SYNE2: variants seen among roughly 807,000 people sequenced by gnomAD.
The protein encoded by SYNE2 is nesprin-2.
SYNE2 carries 431 observed loss-of-function variants against 856.3 expected under a neutral mutation model. The ratio of observed to expected loss-of-function variants is 0.50; its 90% CI spans 0.47 to 0.55. The LOEUF is 0.55. SYNE2 is among the 20% of genes least tolerant of loss of function. SYNE2 has a pLI of 0.00. For synonymous variants in SYNE2, 2,923 were observed against 2,872.3 expected, an observed-to-expected ratio of 1.02 and a Z score of -0.56; for missense variants, 8,129 against 8,023.2, an observed-to-expected ratio of 1.01 and a Z score of -0.50.
At chr14:64,022,081 T>C (rs569652036) in intron 37 of SYNE2, 53 bp downstream of exon 37, 3 of 1,546,100 alleles carry the variant, frequency 1.9e-6, no homozygotes, top group Non-Finnish European at 8.9e-7. Context: ...AGTATGAATG[T>C]AGTACTGTGA....
At chr14:63,945,531 A>G (rs1035311256) in intron 6 of SYNE2, among the ~76,000 whole-genome samples, 3 of 152,160 alleles carry the variant, frequency 2.0e-5, no homozygotes, top group African/African-American at 7.2e-5. Flanking sequence ...TGAATATCCA[A>G]TTGTATGAAT....
Position 64,126,642 on chromosome 14 carries a change from CAAG to C in SYNE2, c.13756_13758del (p.Lys4586del), listed in dbSNP as rs2097949131. ...AGAAACTTTATTTAGCGCTAAGTGACAAGAAGGGTGATCTTTTGAAAGCCATGA... is the reference window on the plus strand; with the variant it reads ...AGAAACTTTATTTAGCGCTAAGTGACAAGGGTGATCTTTTGAAAGCCATGA... On this transcript the variant is annotated inframe_deletion, in exon 73 of 116. Coordinates refer to ENST00000555002, the MANE Select transcript of SYNE2 (RefSeq NM_182914.3). The C allele has an allele frequency of 6.2e-7, 1 of 1,614,080 alleles. No individual in the cohort carries two copies. Among genetic ancestry groups the C allele is most frequent in the Non-Finnish European group, 8.5e-7 (1 of 1,180,042 alleles).
At chr14:63,944,824 CTTTTT>C (rs55906748) in intron 6 of SYNE2, among the ~76,000 whole-genome samples, 7 of 46,948 alleles carry the variant, frequency 1.5e-4, no homozygotes, top group African/African-American at 2.0e-4. Flanking sequence ...GGGCTTAAAG[CTTTTT>C]TTTTTTTTTT....
rs1171104740 is a variant in SYNE2 at position 64,159,378 on chromosome 14, C to T, written c.16030C>T (p.Leu5344Phe). ...WEKLQEVIGKLKGLCPSVAEI... is the reference protein window; with the variant it reads ...WEKLQEVIGKFKGLCPSVAEI... The stretch of plus-strand genomic sequence containing the variant: ...GAAACTCCAGGAGGTTATCGGCAAA[C>T]TCAAAGGTCTCTGCCCCTCTGTTGC... Residue 5344 changes from leucine to phenylalanine, a missense_variant, in exon 87 of 116, where the codon CTC (leucine) becomes TTC (phenylalanine). This residue lies in a region of SYNE2 where 5,410 missense variants were observed against 5,284.8 expected (regional missense o/e 1.02). Coordinates refer to ENST00000555002, the MANE Select transcript of SYNE2 (RefSeq NM_182914.3). 2 of 1,613,868 alleles carry T rather than the reference C, an allele frequency of 1.2e-6. No individual in the cohort carries two copies. The highest frequency in any genetic ancestry group is 1.7e-6 in the Non-Finnish European group (2 of 1,179,910).
rs776787883 is a variant in SYNE2, at chr14:64,225,585, G to A, written c.*59G>A. 218 of 1,562,678 alleles carry A rather than the reference G, an allele frequency of 1.4e-4. No homozygotes were observed. The Middle Eastern group carries it at 3.7e-3, about 26-fold the overall frequency. ...CCTGATTGCCAAGGGTGCCCAGCAC[G>A]TGGCCCCAGACCAATCTGAGTGACT... On this transcript the variant is annotated 3_prime_UTR_variant, in exon 116 of 116. Transcript: ENST00000555002.
chr14:63,926,854 A>C (rs997077055), intron 2 of SYNE2, among the ~76,000 whole-genome samples: 1 of 152,230 alleles, frequency 6.6e-6, no homozygotes, highest in Non-Finnish European at 1.5e-5. Flanking sequence ...CCATGACTCT[A>C]TGAAAGCAAA....
chr14:64,214,964 T>C (rs117421355), intron 106 of SYNE2, among the ~76,000 whole-genome samples: 1,597 of 152,284 alleles, frequency 0.01, 15 homozygotes, highest in South Asian at 0.023. Flanking sequence ...GGTCTTGAAC[T>C]CCTGGGCTCA....
At chr14:64,006,139 A>C (rs2096794132) in intron 30 of SYNE2, among the ~76,000 whole-genome samples, 1 of 152,212 alleles carries the variant, frequency 6.6e-6, no homozygotes, top group African/African-American at 2.4e-5. Flanking sequence ...ATTGAAGAGA[A>C]AATTGGAGGC....
In SYNE2 at chr14:63,830,282, G is replaced by A. The variant is rs558930450; in HGVS notation, c.-304-22219G>A. Among the ~76,000 whole-genome samples the A allele has an allele frequency of 6.6e-5, 10 of 150,472 alleles. 1 individual carries two copies. Among genetic ancestry groups the A allele is most frequent in the South Asian group, 6.3e-4 (3 of 4,786 alleles). On this transcript the variant is annotated intron_variant, in intron 1 of 23. Transcript: ENST00000674003. The stretch of plus-strand genomic sequence containing the variant: ...GTGTGAGGTTTTTTTTTTTTTTGAG[G>A]GTAACAAAATATTCTAAAATGGGTT...
chr14:64,132,367 C>G lies in SYNE2; in HGVS notation c.14443C>G (p.Gln4815Glu). ...AAACAGAGAGACATTTTGGGCAGAA[C>G]AAGTAACAGAAGTTAAAATACTAGA... is the stretch of plus-strand genomic sequence containing the variant. ...LQNRETFWAE[Q>E]VTEVKILEEK... is the part of the protein sequence containing the mutation. The change falls in exon 77 of 116, where the codon CAA becomes GAA. Residue 4815 changes from glutamine (Q) to glutamate (E), a missense_variant. By Grantham distance (29) the Gln-to-Glu change is conservative. Coordinates refer to ENST00000555002, the MANE Select transcript of SYNE2 (RefSeq NM_182914.3). The G allele has an allele frequency of 1.2e-6, 2 of 1,614,062 alleles. No individual in the cohort carries two copies. The highest frequency in any genetic ancestry group is 2.2e-5 in the East Asian group (1 of 44,886).
rs199500656 is a variant in SYNE2, at chr14:63,880,851, T to A, written c.-52+27708T>A. On this transcript the variant is annotated intron_variant, in intron 1 of 115. Transcript: ENST00000555002. Reference sequence around the variant, plus strand: ...CTGTGACTGGCTAATTTAAAAAAAATTTTTTTTTTTTTTGAGACGGAGTCT... The same window carrying A: ...CTGTGACTGGCTAATTTAAAAAAAAATTTTTTTTTTTTTGAGACGGAGTCT... Among the ~76,000 whole-genome samples, 682 of 145,132 alleles carry A rather than the reference T, an allele frequency of 4.7e-3. 3 individuals carry two copies. Among genetic ancestry groups the A allele is most frequent in the South Asian group, 0.017 (80 of 4,626 alleles).
intron 64 of SYNE2, among the ~76,000 whole-genome samples, chr14:64,106,960 A>C (rs2097775755): frequency 6.6e-6 from 1 of 152,178 alleles, no homozygotes; most frequent in African/African-American, 2.4e-5. Flanking sequence ...AGTTGTTCCT[A>C]AATGGAATAA....
intron 66 of SYNE2, among the ~76,000 whole-genome samples, chr14:64,115,885 G>A (rs2097850233): frequency 6.7e-6 from 1 of 148,294 alleles, no homozygotes. Context: ...CAGGAGTGGT[G>A]GCTCACGCCT....
intron 59 of SYNE2, among the ~76,000 whole-genome samples, chr14:64,090,250 C>T (rs2097598572): frequency 6.6e-6 from 1 of 152,084 alleles, no homozygotes; most frequent in African/African-American, 2.4e-5. Context: ...TCTGTGAGCC[C>T]AATTTCCTCA....
intron 96 of SYNE2, among the ~76,000 whole-genome samples, chr14:64,184,546 G>T (rs1256711940): frequency 6.6e-6 from 1 of 152,200 alleles, no homozygotes; most frequent in African/African-American, 2.4e-5. Flanking sequence ...TCTGAGCAGG[G>T]CACTGGACAG....
Position 63,844,815 on chromosome 14 carries a change from CGA to C in SYNE2, c.-304-7681_-304-7680del, listed in dbSNP as rs1307849883. Among the ~76,000 whole-genome samples the C allele has an allele frequency of 3.3e-5, 5 of 151,924 alleles. No homozygotes were observed. In the East Asian group the frequency reaches 9.6e-4, roughly 29 times the overall value. Reference sequence around the variant, plus strand: ...ATCTTAGCATTTTATGAGGCCAAGGCGAGAGAATCTCTTGAGGCTGGGAGTTC... The same window carrying C: ...ATCTTAGCATTTTATGAGGCCAAGGCGAGAATCTCTTGAGGCTGGGAGTTC... On this transcript the variant is annotated intron_variant, in intron 1 of 23. Transcript: ENST00000674003.
chr14:63,985,074 C>A (rs895201861), intron 18 of SYNE2, among the ~76,000 whole-genome samples: 3 of 152,090 alleles, frequency 2.0e-5, no homozygotes, highest in African/African-American at 7.2e-5. Flanking sequence ...AGCGGTGGCT[C>A]ATGCCAGCAC....
Position 64,223,400 on chromosome 14 carries a change from T to G in SYNE2, c.20382+20T>G, listed in dbSNP as rs748815675. 6.2e-7 allele frequency: 1 copy of G among 1,612,936 alleles called. No individual in the cohort carries two copies. Among genetic ancestry groups the G allele is most frequent in the South Asian group, 1.1e-5 (1 of 90,768 alleles). On this transcript the variant is annotated intron_variant, in intron 113 of 115. Coordinates refer to ENST00000555002, the MANE Select transcript of SYNE2 (RefSeq NM_182914.3). Reference sequence around the variant, plus strand: ...ACCCAGGTGAGTCTACTTGTAGCTTTTAACTGTAAAGATTGCCGTATTACA... The same window carrying G: ...ACCCAGGTGAGTCTACTTGTAGCTTGTAACTGTAAAGATTGCCGTATTACA...
chr14:64,104,389 G>C (rs567003594), intron 64 of SYNE2, among the ~76,000 whole-genome samples: 21 of 148,724 alleles, frequency 1.4e-4, no homozygotes, highest in African/African-American at 4.5e-4. Context: ...TTTCTCTTTC[G>C]TCTGTGATGG....
Sources: gnomAD v4.1 joint callset for allele counts (sites outside exome capture counted in the v4.1 genomes callset) on GRCh38, gnomAD v4.1.1 for gene constraint, gnomAD v4.1.1 regional missense constraint, MANE v1.5 for transcripts, NCBI Gene and HGNC (gene_info 2026-07-23, HGNC 2026-07-21) for gene names.